Variants in TMEM87A observed in about 807,000 individuals in gnomAD.
TMEM87A encodes the protein transmembrane protein 87A.
Under a neutral mutation model 90.0 loss-of-function variants are expected in TMEM87A, and 50 were observed. That is an observed-to-expected ratio of 0.56 (90% confidence interval 0.44 to 0.70). The LOEUF (loss-of-function observed/expected upper bound fraction) is 0.70. TMEM87A is among the 30% of genes least tolerant of loss of function. TMEM87A has a pLI of 0.00. For missense variants in TMEM87A, 577 were observed against 660.5 expected, an observed-to-expected ratio of 0.87 and a Z score of 1.39; for synonymous variants, 226 against 226.7, an observed-to-expected ratio of 1.00 and a Z score of 0.03.
chr15:42,271,946 T>G (rs2051538745), intron 2 of TMEM87A, 117 bp downstream of exon 2: 4 of 818,486 alleles, frequency 4.9e-6, no homozygotes, highest in Non-Finnish European at 7.6e-6. Flanking sequence ...CTAAAAATAT[T>G]TATACCTAGA....
intron 6 of TMEM87A, among the ~76,000 whole-genome samples, chr15:42,259,170 T>C (rs189288353): frequency 9.8e-5 from 15 of 152,328 alleles, no homozygotes; most frequent in African/African-American, 3.4e-4. Context: ...TTGCCTAGGC[T>C]GGAGTGCAGT....
At chr15:42,223,118 T>C (rs1352113407) in intron 15 of TMEM87A, among the ~76,000 whole-genome samples, 1 of 152,132 alleles carries the variant, frequency 6.6e-6, no homozygotes, top group Admixed American at 6.5e-5. Flanking sequence ...TTGGGCCTGG[T>C]ATGGTGGCTC....
In TMEM87A at chr15:42,227,111, T is replaced by G. The variant is rs997992615; in HGVS notation, c.1300-202A>C. 1.3e-5 allele frequency: 7 copies of G among 545,152 alleles called. No homozygotes were observed. In the Admixed American group the frequency reaches 2.0e-4, roughly 15 times the overall value. The allele number at this position is 545,152 out of a possible 1,614,324, so 33.8% of individuals were successfully genotyped here. On this transcript the variant is annotated intron_variant, in intron 14 of 19. Transcript: ENST00000389834. The stretch of plus-strand genomic sequence containing the variant: ...TTTGCCCTTGTAGTGCTTACTGTTG[T>G]TAAAGAAAATGCATCAACGGAACAG...
rs2050770750 is a variant in TMEM87A, at chr15:42,236,363, G to A, written c.925C>T (p.Arg309Ter). 1.2e-6 allele frequency: 2 copies of A among 1,614,076 alleles called. No homozygotes were observed. Among genetic ancestry groups the A allele is most frequent in the African/African-American group, 1.3e-5 (1 of 75,020 alleles). Reference protein sequence around the residue: ...LLSAVKRSLARTLVIIVSLGY... With the variant: ...LLSAVKRSLA Reference sequence around the variant, plus strand: ...AGACTGACTATGATGACCAGGGTTCGAGCCAGTGAGCGTTTCACTGCTGAA... The same window carrying A: ...AGACTGACTATGATGACCAGGGTTCAAGCCAGTGAGCGTTTCACTGCTGAA... Residue 309 changes from arginine to a stop codon, truncating the protein, a stop_gained, in exon 10 of 20, where the codon CGA (arginine) becomes TGA (stop). Coordinates refer to ENST00000389834, the MANE Select transcript of TMEM87A (RefSeq NM_015497.5). LOFTEE classifies it high-confidence loss of function.
At position 42,220,047 on chromosome 15, in the gene TMEM87A, G is replaced by A. The variant is rs984018734; in HGVS notation, c.1477+15C>T. The A allele has an allele frequency of 1.9e-6, 3 of 1,579,900 alleles. No homozygotes were observed. The highest frequency in any genetic ancestry group is 1.7e-4 in the Middle Eastern group (1 of 5,912). On this transcript the variant is annotated intron_variant, in intron 16 of 19. Transcript: ENST00000389834. ...AATATTTAAAGTACTAATAAGAGGTGAATTTTATTATTACCAAAGCTTTCT... is the reference window on the plus strand; with the variant it reads ...AATATTTAAAGTACTAATAAGAGGTAAATTTTATTATTACCAAAGCTTTCT...
At chr15:42,262,813 T>C (rs2140982082) in intron 4 of TMEM87A, among the ~76,000 whole-genome samples, 1 of 152,370 alleles carries the variant, frequency 6.6e-6, no homozygotes, top group Non-Finnish European at 1.5e-5. Context: ...CAAAATAATT[T>C]TTAAATATAG....
At chr15:42,254,288 G>C (rs1595739002) in intron 6 of TMEM87A, among the ~76,000 whole-genome samples, 1 of 152,112 alleles carries the variant, frequency 6.6e-6, no homozygotes, top group African/African-American at 2.4e-5. Flanking sequence ...GCACTGCATT[G>C]TCAAAAATGC....
chr15:42,255,098 G>A lies in TMEM87A; in HGVS notation c.504+5860C>T, dbSNP rs149312370. 7.4e-4 allele frequency among the ~76,000 whole-genome samples: 113 copies of A among 151,784 alleles called. No individual in the cohort carries two copies. The East Asian group carries it at 0.018, about 25-fold the overall frequency. On this transcript the variant is annotated intron_variant, in intron 6 of 19. Coordinates refer to ENST00000389834, the MANE Select transcript of TMEM87A (RefSeq NM_015497.5). ...TCACTTCAGCCTCCCCTGTAGCGGT[G>A]ACTATAGGCATGCACAACCATGCTG...
At position 42,226,355 on chromosome 15, in the gene TMEM87A, G is replaced by T. The variant is rs1472955564; in HGVS notation, c.1403+451C>A. Among the ~76,000 whole-genome samples, 3 of 149,726 alleles carry T rather than the reference G, an allele frequency of 2.0e-5. No individual in the cohort carries two copies. In the East Asian group the frequency reaches 5.8e-4, roughly 29 times the overall value. On this transcript the variant is annotated intron_variant, in intron 15 of 19. Coordinates refer to ENST00000389834, the MANE Select transcript of TMEM87A (RefSeq NM_015497.5). ...CAATAAAGTGTTTTTAAATTAACGT[G>T]CATATATTTTTTAGACATAATGCTA...
chr15:42,238,706 A>T (rs1206526394), intron 8 of TMEM87A, among the ~76,000 whole-genome samples: 1 of 150,422 alleles, frequency 6.6e-6, no homozygotes, highest in African/African-American at 2.4e-5. Flanking sequence ...ATTATCCATT[A>T]TCATGCCACT....
chr15:42,218,600 C>T (rs923636897), intron 17 of TMEM87A, among the ~76,000 whole-genome samples: 1 of 152,168 alleles, frequency 6.6e-6, no homozygotes, highest in African/African-American at 2.4e-5. Flanking sequence ...GTAACCAGCA[C>T]TCAACCCTCT....
intron 12 of TMEM87A, 131 bp downstream of exon 12, chr15:42,231,046 CAGGTTGTTAAGACTT>C: frequency 1.7e-6 from 1 of 592,794 alleles, no homozygotes. Flanking sequence ...CCTGAACCCT[CAGGTTGTTAAGACTT>C]AGCATGCACT....
Position 42,211,738 on chromosome 15 carries a change from G to T in TMEM87A, c.1638C>A (p.Ile546=). The change falls in exon 20 of 20, where the codon ATC becomes ATA. Residue 546 remains isoleucine (I), a synonymous_variant. Coordinates refer to ENST00000389834, the MANE Select transcript of TMEM87A (RefSeq NM_015497.5). The part of the protein sequence containing the change: ...ALLDSDEERM[I]THFERSKME ...CCATTTTGGACCTTTCAAAGTGTGT[G>T]ATCATTCGTTCCTAGGGAAAAAAAA... is the stretch of plus-strand genomic sequence containing the variant. 6.2e-7 allele frequency: 1 copy of T among 1,611,012 alleles called. No individual in the cohort carries two copies.
intron 6 of TMEM87A, 126 bp from the exon 7 acceptor site, chr15:42,244,293 A>G: frequency 6.5e-6 from 4 of 617,096 alleles, no homozygotes; most frequent in Non-Finnish European, 1.1e-5. Flanking sequence ...TCTTTCATTC[A>G]TTGAAACATT....
At position 42,227,519 on chromosome 15, in the gene TMEM87A, C is replaced by G. The variant is rs150782834; in HGVS notation, c.1299+192G>C. 606 of 483,846 alleles carry G rather than the reference C, an allele frequency of 1.3e-3. 7 individuals carry two copies. Among genetic ancestry groups the G allele is most frequent in the African/African-American group, 0.011 (561 of 51,074 alleles). 30.0% of individuals were successfully genotyped at this position (483,846 alleles called of 1,614,324 possible). A position where few individuals can be genotyped will look rare whatever the true frequency, so the allele number is the denominator to read the frequency against. On this transcript the variant is annotated intron_variant, in intron 14 of 19. Transcript: ENST00000389834. ...GGAGAATACAGTCAGAAAAAACAAA[C>G]AAAAAACTACTATACCAAGCACCAT...
chr15:42,248,440 A>C (rs1339941204), intron 6 of TMEM87A, among the ~76,000 whole-genome samples: 1 of 152,148 alleles, frequency 6.6e-6, no homozygotes, highest in African/African-American at 2.4e-5. Flanking sequence ...AGCTCTTATT[A>C]TTTTGACATA....
At chr15:42,241,888 T>A (rs1241790711) in intron 7 of TMEM87A, among the ~76,000 whole-genome samples, 1 of 151,428 alleles carries the variant, frequency 6.6e-6, no homozygotes, top group Non-Finnish European at 1.5e-5. Context: ...TAGTAGGTTG[T>A]AAAAACACAA....
At chr15:42,265,181 T>C (rs1216036577) in intron 3 of TMEM87A, among the ~76,000 whole-genome samples, 2 of 152,242 alleles carry the variant, frequency 1.3e-5, no homozygotes, top group Non-Finnish European at 2.9e-5. Context: ...TATGTGCATA[T>C]GTCTTTACGG....
At position 42,252,166 on chromosome 15, in the gene TMEM87A, G is replaced by A. The variant is rs548218397; in HGVS notation, c.505-7999C>T. Among the ~76,000 whole-genome samples, 6 of 152,314 alleles carry A rather than the reference G, an allele frequency of 3.9e-5. No individual in the cohort carries two copies. The East Asian group carries it at 1.2e-3, about 29-fold the overall frequency. ...GTACAGTCTGTCACGGCTTCCCTTG[G>A]CTAGGAAAGGGAAATCCCCCGACCC... On this transcript the variant is annotated intron_variant, in intron 6 of 19. Coordinates refer to ENST00000389834, the MANE Select transcript of TMEM87A (RefSeq NM_015497.5).
Sources: gnomAD v4.1 joint callset for allele counts (sites outside exome capture counted in the v4.1 genomes callset) on GRCh38, gnomAD v4.1.1 for gene constraint, MANE v1.5 for transcripts, NCBI Gene and HGNC (gene_info 2026-07-23, HGNC 2026-07-21) for gene names.